Variants in UTS2B observed in about 807,000 individuals in gnomAD.
The protein encoded by UTS2B is urotensin 2B, also known as urotensin-2B.
UTS2B carries 21 observed loss-of-function variants against 19.2 expected under a neutral mutation model. That is an observed-to-expected ratio of 1.09 (90% CI 0.78 to 1.58). The LOEUF (loss-of-function observed/expected upper bound fraction) is 1.58. UTS2B is among the 40% of genes most tolerant of loss of function. The pLI, the probability that UTS2B is intolerant of heterozygous loss-of-function variation, is 0.00. For synonymous variants in UTS2B, 57 were observed against 50.2 expected (o/e 1.14, Z -0.58); for missense variants, 138 against 130.3 (o/e 1.06, Z -0.29).
intron 3 of UTS2B, among the ~76,000 whole-genome samples, 183 bp downstream of exon 3, chr3:191,315,853 C>T (rs145915620): frequency 1.3e-5 from 2 of 152,224 alleles, no homozygotes; most frequent in East Asian, 3.9e-4. Context: ...ACCAATGCAC[C>T]ACACTCAGAT....
intron 1 of UTS2B, 90 bp downstream of exon 1, chr3:191,330,324 C>CACAA (rs1553837061): frequency 8.0e-6 from 1 of 124,782 alleles, no homozygotes; most frequent in African/African-American, 3.0e-5. Context: ...CACACACACA[C>CACAA]ACACAATAGT....
At chr3:191,321,284 AC>A (rs1337021733) in intron 2 of UTS2B, among the ~76,000 whole-genome samples, 1 of 152,182 alleles carries the variant, frequency 6.6e-6, no homozygotes, top group African/African-American at 2.4e-5. Context: ...AGGTATTGCA[AC>A]CCAGATGATT....
intron 4 of UTS2B, among the ~76,000 whole-genome samples, chr3:191,294,904 G>A (rs139272558): frequency 1.3e-5 from 2 of 151,742 alleles, no homozygotes; most frequent in African/African-American, 2.4e-5. Context: ...GTTGGCAGGC[G>A]CCTGTAGTCC....
At chr3:191,271,733 C>T (rs1439906046) in intron 8 of UTS2B, among the ~76,000 whole-genome samples, 2 of 152,158 alleles carry the variant, frequency 1.3e-5, no homozygotes, top group Middle Eastern at 3.2e-3. Flanking sequence ...TAGATGCTCT[C>T]GTCACAATGC....
chr3:191,289,450 A>ATAAAT (rs56188122), intron 4 of UTS2B, among the ~76,000 whole-genome samples: 6,229 of 143,582 alleles, frequency 0.043, 169 homozygotes, highest in Middle Eastern at 0.083. Flanking sequence ...AAATAAATAA[A>ATAAAT]AAACAAACGA....
At chr3:191,317,249 C>A (rs1385314153) in intron 2 of UTS2B, among the ~76,000 whole-genome samples, 2 of 152,232 alleles carry the variant, frequency 1.3e-5, no homozygotes, top group Admixed American at 1.3e-4. Flanking sequence ...GGGTGCTAAG[C>A]CCCTCACTGC....
intron 4 of UTS2B, among the ~76,000 whole-genome samples, chr3:191,289,627 G>C (rs912743591): frequency 6.6e-6 from 1 of 151,942 alleles, no homozygotes; most frequent in Admixed American, 6.6e-5. Context: ...CCTCTCATTT[G>C]TGATAAAATA....
intron 8 of UTS2B, 31 bp downstream of exon 8, chr3:191,275,221 T>C: frequency 6.7e-7 from 1 of 1,494,946 alleles, no homozygotes; most frequent in Non-Finnish European, 9.2e-7. Flanking sequence ...CTTTTGGAAG[T>C]CAATCTTAAA....
chr3:191,332,177 C>G (rs1275091620), upstream of UTS2B, among the ~76,000 whole-genome samples: 1 of 152,172 alleles, frequency 6.6e-6, no homozygotes, highest in African/African-American at 2.4e-5. Flanking sequence ...TGGGTAGCAG[C>G]TGACATTAGG....
At chr3:191,303,273 T>A (rs918864537) in intron 4 of UTS2B, among the ~76,000 whole-genome samples, 1 of 147,464 alleles carries the variant, frequency 6.8e-6, no homozygotes, top group Non-Finnish European at 1.5e-5. Flanking sequence ...TTGTGGTATC[T>A]TTTCTCTTGT....
chr3:191,288,807 T>C (rs2108581851), intron 4 of UTS2B, among the ~76,000 whole-genome samples: 1 of 152,304 alleles, frequency 6.6e-6, no homozygotes, highest in South Asian at 2.1e-4. Context: ...GATTAAAGAC[T>C]TAAGACTGGA....
chr3:191,323,594 C>A (rs554654647), intron 2 of UTS2B, among the ~76,000 whole-genome samples: 2 of 152,132 alleles, frequency 1.3e-5, no homozygotes, highest in South Asian at 2.1e-4. Flanking sequence ...TTGATCAGGG[C>A]AATATGTAGA....
chr3:191,314,320 A>G (rs998670563), intron 3 of UTS2B, among the ~76,000 whole-genome samples: 3 of 151,844 alleles, frequency 2.0e-5, no homozygotes, highest in African/African-American at 7.3e-5. Context: ...TCAGTACCCT[A>G]CTCCACAAGT....
chr3:191,287,475 C>T (rs755610029), intron 4 of UTS2B, among the ~76,000 whole-genome samples: 1 of 151,890 alleles, frequency 6.6e-6, no homozygotes, highest in African/African-American at 2.4e-5. Flanking sequence ...TGTGATCCAC[C>T]GAATTAATCG....
intron 4 of UTS2B, among the ~76,000 whole-genome samples, chr3:191,302,221 C>A (rs1560141566): frequency 1.3e-5 from 2 of 152,214 alleles, no homozygotes; most frequent in Non-Finnish European, 2.9e-5. Context: ...AAAAGACACT[C>A]CCGCCAGCAT....
chr3:191,295,267 GC>G (rs1716827569), intron 4 of UTS2B, among the ~76,000 whole-genome samples: 1 of 151,686 alleles, frequency 6.6e-6, no homozygotes, highest in Non-Finnish European at 1.5e-5. Context: ...TACTAAAATA[GC>G]CCTTTCTAAA....
chr3:191,286,125 T>C (rs1046838192), intron 4 of UTS2B, among the ~76,000 whole-genome samples: 2 of 152,192 alleles, frequency 1.3e-5, no homozygotes, highest in Admixed American at 1.3e-4. Flanking sequence ...CAGCTAATTA[T>C]GTAAAGCAAA....
intron 2 of UTS2B, among the ~76,000 whole-genome samples, chr3:191,321,034 C>T (rs908251828): frequency 2.6e-5 from 4 of 152,174 alleles, no homozygotes; most frequent in East Asian, 1.9e-4. Flanking sequence ...AAGCTTCATG[C>T]GACATTATTC....
chr3:191,338,724 C>A, the UTS2B span, among the ~76,000 whole-genome samples: 2 of 152,152 alleles, frequency 1.3e-5, no homozygotes, highest in Non-Finnish European at 2.9e-5. Context: ...GATCATTTTA[C>A]TTTTACTTTT....
Sources: allele counts gnomAD v4.1 joint callset (sites outside exome capture counted in the v4.1 genomes callset), GRCh38; gene constraint gnomAD v4.1.1; transcripts MANE v1.5; gene names NCBI Gene and HGNC (gene_info 2026-07-23, HGNC 2026-07-21).